FZD3: variants seen among roughly 807,000 people sequenced by gnomAD.
The protein encoded by FZD3 is frizzled class receptor 3.
FZD3 carries 30 observed loss-of-function variants against 60.7 expected under a neutral mutation model. That is an observed-to-expected ratio of 0.49 (90% confidence interval 0.37 to 0.67). The LOEUF is 0.67. Ranked by LOEUF, FZD3 falls within the 30% of genes least tolerant of loss-of-function variation. FZD3 has a pLI of 0.00. For missense variants in FZD3, 605 were observed against 838.7 expected, an observed-to-expected ratio of 0.72 and a Z score of 3.44; for synonymous variants, 246 against 275.2, an observed-to-expected ratio of 0.89 and a Z score of 1.05.
intron 4 of FZD3, 76 bp downstream of exon 4, chr8:28,520,910 C>G (rs1250568491): frequency 9.1e-7 from 1 of 1,093,140 alleles, no homozygotes; most frequent in Non-Finnish European, 1.3e-6. Context: ...TCTTTTCCAT[C>G]TGTTTTAAAA....
chr8:28,557,842 A>C (rs1254429743), intron 7 of FZD3, among the ~76,000 whole-genome samples: 1 of 152,232 alleles, frequency 6.6e-6, no homozygotes, highest in East Asian at 1.9e-4. Context: ...CAGAGATGGA[A>C]GACAGAAGAG....
At chr8:28,556,034 A>G in intron 7 of FZD3, 63 bp downstream of exon 7, 8 of 1,063,568 alleles carry the variant, frequency 7.5e-6, no homozygotes, top group Non-Finnish European at 9.9e-6. Flanking sequence ...AGCTTAAGAA[A>G]GAGGAGCAGC....
In FZD3 at chr8:28,566,817, T is replaced by A. The variant is rs1474135852; in HGVS notation, c.*3806T>A. The A allele has an allele frequency of 2.0e-5, 3 of 152,328 alleles. No homozygotes were observed. The highest frequency in any genetic ancestry group is 7.2e-5 in the African/African-American group (3 of 41,578). 9.4% of individuals were successfully genotyped at this position (152,328 alleles called of 1,614,324 possible). On this transcript the variant is annotated 3_prime_UTR_variant, in exon 8 of 8. Transcript: ENST00000240093. ...TCCCCTGGGATTGGAATTTTAAGAC[T>A]CATGATGTCAACTGGGCTGGTCATT...
At position 28,565,681 on chromosome 8, in the gene FZD3, A is replaced by G. The variant is rs922413040; in HGVS notation, c.*2670A>G. 9.1e-4 allele frequency: 139 copies of G among 152,276 alleles called. No individual in the cohort carries two copies. The highest frequency in any genetic ancestry group is 3.2e-3 in the African/African-American group (133 of 41,572). 9.4% of individuals were successfully genotyped at this position (152,276 alleles called of 1,614,324 possible). ...TTGTGGGTATGTATGGGAATACTATATTGACTTTTCAGTTACTTTCAGTAA... is the reference window on the plus strand; with the variant it reads ...TTGTGGGTATGTATGGGAATACTATGTTGACTTTTCAGTTACTTTCAGTAA... On this transcript the variant is annotated 3_prime_UTR_variant, in exon 8 of 8. Transcript: ENST00000240093.
chr8:28,557,288 CT>C (rs1479126060), intron 7 of FZD3, among the ~76,000 whole-genome samples: 9 of 149,472 alleles, frequency 6.0e-5, no homozygotes, highest in Admixed American at 1.3e-4. Context: ...AAGGAATGTG[CT>C]AAATATTTTT....
chr8:28,531,272 C>G (rs1249503466), intron 5 of FZD3, among the ~76,000 whole-genome samples: 4 of 152,090 alleles, frequency 2.6e-5, no homozygotes, highest in Admixed American at 6.6e-5. Flanking sequence ...TATGTGAGAT[C>G]ATTCTGTAGC....
At chr8:28,515,869 T>A (rs1286875902) in intron 3 of FZD3, among the ~76,000 whole-genome samples, 1 of 152,266 alleles carries the variant, frequency 6.6e-6, no homozygotes, top group Non-Finnish European at 1.5e-5. Flanking sequence ...TTCACTGTCC[T>A]GATAGTGTCC....
chr8:28,570,138 T>A lies in FZD3; in HGVS notation c.*7127T>A, dbSNP rs1160086540. On this transcript the variant is annotated 3_prime_UTR_variant, in exon 8 of 8. Coordinates refer to ENST00000240093, the MANE Select transcript of FZD3 (RefSeq NM_017412.4). Reference sequence around the variant, plus strand: ...ATCAATGTGGCTTGTTATTTTTAATTTTTTTCTGGCTATACAGAAAATGTT... The same window carrying A: ...ATCAATGTGGCTTGTTATTTTTAATATTTTTCTGGCTATACAGAAAATGTT... The A allele has an allele frequency of 6.6e-6, 1 of 152,204 alleles. No homozygotes were observed. The allele number at this position is 152,204 out of a possible 1,614,324, so 9.4% of individuals were successfully genotyped here. A position where few individuals can be genotyped will look rare whatever the true frequency, so the allele number is the denominator to read the frequency against.
At chr8:28,523,493 AGT>A (rs1297993063) in intron 4 of FZD3, among the ~76,000 whole-genome samples, 1 of 151,922 alleles carries the variant, frequency 6.6e-6, no homozygotes, top group East Asian at 1.9e-4. Flanking sequence ...GCAGGGGCAC[AGT>A]CACAGCTCAC....
chr8:28,536,615 A>C (rs1445722946), intron 5 of FZD3, among the ~76,000 whole-genome samples: 1 of 152,172 alleles, frequency 6.6e-6, no homozygotes, highest in South Asian at 2.1e-4. Context: ...AGGCTGAGGC[A>C]GGAGAATTGC....
At chr8:28,546,266 G>A (rs1805290421) in intron 5 of FZD3, among the ~76,000 whole-genome samples, 1 of 152,128 alleles carries the variant, frequency 6.6e-6, no homozygotes, top group Non-Finnish European at 1.5e-5. Flanking sequence ...GCTGTAGCTG[G>A]CTCTCGGGCC....
intron 5 of FZD3, among the ~76,000 whole-genome samples, chr8:28,536,332 A>T (rs1805011710): frequency 6.6e-6 from 1 of 152,214 alleles, no homozygotes; most frequent in African/African-American, 2.4e-5. Context: ...TATTTCGGTA[A>T]CAGAAATGTG....
intron 5 of FZD3, among the ~76,000 whole-genome samples, chr8:28,537,339 G>T (rs142430508): frequency 1.7e-4 from 26 of 152,204 alleles, no homozygotes; most frequent in African/African-American, 6.3e-4. Context: ...CCTAAGTTGT[G>T]TGTTCAGTTT....
In FZD3 at chr8:28,520,662, G is replaced by A; in HGVS notation, c.214G>A (p.Asp72Asn). 1 of 1,595,950 alleles carries A rather than the reference G, an allele frequency of 6.3e-7. No individual in the cohort carries two copies. Among genetic ancestry groups the A allele is most frequent in the Non-Finnish European group, 8.5e-7 (1 of 1,170,152 alleles). ...GCCATTCCACCCTATGGTGAATCTG[G>A]ATTGTTCTCGGGATTTCCGGCCTTT... ...MEPFHPMVNL[D>N]CSRDFRPFLC... The change falls in exon 4 of 8, where the codon GAT becomes AAT. Residue 72 changes from aspartate to asparagine, a missense_variant. Coordinates refer to ENST00000240093, the MANE Select transcript of FZD3 (RefSeq NM_017412.4).
chr8:28,549,907 G>C (rs1000964680), intron 5 of FZD3, among the ~76,000 whole-genome samples: 20 of 152,036 alleles, frequency 1.3e-4, no homozygotes, highest in Non-Finnish European at 2.2e-4. Flanking sequence ...GCATTCCCCT[G>C]TTTGGTCCTG....
At chr8:28,519,661 C>T (rs1313786876) in intron 3 of FZD3, among the ~76,000 whole-genome samples, 1 of 149,310 alleles carries the variant, frequency 6.7e-6, no homozygotes, top group Non-Finnish European at 1.5e-5. Flanking sequence ...GCCTAGGAGG[C>T]AGAGGTGGTG....
intron 3 of FZD3, among the ~76,000 whole-genome samples, chr8:28,513,924 G>A (rs1390848337): frequency 6.6e-6 from 1 of 152,162 alleles, no homozygotes; most frequent in Non-Finnish European, 1.5e-5. Context: ...ATGCTTGAAG[G>A]CTTGTCAGCT....
At chr8:28,521,667 T>G (rs1007272486) in intron 4 of FZD3, among the ~76,000 whole-genome samples, 5 of 152,222 alleles carry the variant, frequency 3.3e-5, no homozygotes, top group African/African-American at 1.2e-4. Flanking sequence ...TTCCCATGTT[T>G]GCTTATATAC....
In FZD3 at chr8:28,566,819, A is replaced by T. The variant is rs1371918904; in HGVS notation, c.*3808A>T. On this transcript the variant is annotated 3_prime_UTR_variant, in exon 8 of 8. Coordinates refer to ENST00000240093, the MANE Select transcript of FZD3 (RefSeq NM_017412.4). ...CCCTGGGATTGGAATTTTAAGACTCATGATGTCAACTGGGCTGGTCATTTT... is the reference window on the plus strand; with the variant it reads ...CCCTGGGATTGGAATTTTAAGACTCTTGATGTCAACTGGGCTGGTCATTTT... 6.6e-6 allele frequency: 1 copy of T among 152,168 alleles called. No homozygotes were observed. The highest frequency in any genetic ancestry group is 1.5e-5 in the Non-Finnish European group (1 of 68,012). 9.4% of individuals were successfully genotyped at this position (152,168 alleles called of 1,614,324 possible). A position where few individuals can be genotyped will look rare whatever the true frequency, so the allele number is the denominator to read the frequency against.
Sources: gnomAD v4.1 joint callset for allele counts (sites outside exome capture counted in the v4.1 genomes callset) on GRCh38, gnomAD v4.1.1 for gene constraint, MANE v1.5 for transcripts, NCBI Gene and HGNC (gene_info 2026-07-23, HGNC 2026-07-21) for gene names.